Variants in NTRK2 observed in about 807,000 individuals in gnomAD.
NTRK2 encodes the protein neurotrophic receptor tyrosine kinase 2.
In NTRK2, 13 loss-of-function variants were observed where a neutral mutation model predicts 94.5. The ratio of observed to expected loss-of-function variants is 0.14; its 90% CI spans 0.09 to 0.22. The LOEUF is 0.22. Ranked by LOEUF, NTRK2 falls within the 10% of genes least tolerant of loss-of-function variation. The pLI is 1.00. For synonymous variants in NTRK2, 372 were observed against 407.4 expected (o/e 0.91, Z 1.05); for missense variants, 639 against 1,071.2 (o/e 0.60, Z 5.63).
intron 12 of NTRK2, among the ~76,000 whole-genome samples, chr9:84,856,106 T>A (rs1361502593): frequency 6.6e-6 from 1 of 152,184 alleles, no homozygotes; most frequent in African/African-American, 2.4e-5. Context: ...TTTATATTTG[T>A]CACATAGGAG....
intron 13 of NTRK2, among the ~76,000 whole-genome samples, chr9:84,862,316 G>A (rs1050344734): frequency 1.1e-4 from 16 of 152,186 alleles, no homozygotes; most frequent in African/African-American, 3.9e-4. Context: ...TCTGTTTTAC[G>A]GGTTTGATGT....
At chr9:84,740,799 CACT>C (rs1486621599) in intron 9 of NTRK2, among the ~76,000 whole-genome samples, 1 of 152,286 alleles carries the variant, frequency 6.6e-6, no homozygotes, top group Admixed American at 6.5e-5. Context: ...ACACTGGGGC[CACT>C]TTTATTTGGT....
At chr9:84,999,024 G>A (rs1045310201) in intron 17 of NTRK2, among the ~76,000 whole-genome samples, 10 of 152,050 alleles carry the variant, frequency 6.6e-5, no homozygotes, top group African/African-American at 2.2e-4. Flanking sequence ...GAGGTTCTTG[G>A]TGCATCTTCT....
chr9:84,937,622 G>GT (rs895592822), intron 15 of NTRK2, among the ~76,000 whole-genome samples: 50 of 152,036 alleles, frequency 3.3e-4, no homozygotes, highest in African/African-American at 1.1e-3. Context: ...GATGACCTTT[G>GT]TTTTTTTAGT....
intron 12 of NTRK2, among the ~76,000 whole-genome samples, chr9:84,858,627 G>A (rs932504523): frequency 3.3e-5 from 5 of 151,456 alleles, no homozygotes; most frequent in African/African-American, 1.2e-4. Flanking sequence ...TGGAATAGAG[G>A]CTTCTTTTCT....
chr9:84,742,420 C>G (rs1050631360), intron 10 of NTRK2, among the ~76,000 whole-genome samples: 1 of 152,212 alleles, frequency 6.6e-6, no homozygotes, highest in Non-Finnish European at 1.5e-5. Flanking sequence ...ACCCTACTCT[C>G]TTTTTCCCAC....
At chr9:84,720,987 A>G (rs1386605918) in intron 6 of NTRK2, among the ~76,000 whole-genome samples, 1 of 152,252 alleles carries the variant, frequency 6.6e-6, no homozygotes, top group Non-Finnish European at 1.5e-5. Context: ...ACCTCCAAAC[A>G]ATAGTTCTAA....
chr9:85,000,038 G>A (rs1229461096), intron 17 of NTRK2, among the ~76,000 whole-genome samples: 1 of 152,154 alleles, frequency 6.6e-6, no homozygotes, highest in African/African-American at 2.4e-5. Flanking sequence ...AGAGGAACCC[G>A]AGACACAGCC....
At chr9:84,858,146 T>C (rs1179089522) in intron 12 of NTRK2, among the ~76,000 whole-genome samples, 3 of 152,106 alleles carry the variant, frequency 2.0e-5, no homozygotes, top group Admixed American at 2.0e-4. Context: ...TCTCCTTTCT[T>C]TCACCTTCCC....
intron 17 of NTRK2, among the ~76,000 whole-genome samples, chr9:84,967,709 A>G (rs1457216085): frequency 6.6e-6 from 1 of 152,236 alleles, no homozygotes; most frequent in African/African-American, 2.4e-5. Flanking sequence ...GTTGGTGATG[A>G]CAGAGATACT....
intron 12 of NTRK2, among the ~76,000 whole-genome samples, chr9:84,831,371 T>TG (rs2073534167): frequency 2.6e-5 from 4 of 152,138 alleles, no homozygotes; most frequent in Non-Finnish European, 5.9e-5. Flanking sequence ...GCTTTAGTGT[T>TG]TATATGCTGT....
At chr9:84,727,617 C>A (rs1397619713) in intron 8 of NTRK2, 37 bp from the exon 9 acceptor site, 9 of 1,597,662 alleles carry the variant, frequency 5.6e-6, no homozygotes, top group Non-Finnish European at 6.0e-6. Context: ...GAATTCTGAG[C>A]TTTCTGATGC....
intron 14 of NTRK2, among the ~76,000 whole-genome samples, chr9:84,884,091 T>G (rs1323395588): frequency 6.6e-6 from 1 of 152,182 alleles, no homozygotes; most frequent in Non-Finnish European, 1.5e-5. Flanking sequence ...TGGAGAGAAA[T>G]GATTGAATCA....
intron 14 of NTRK2, among the ~76,000 whole-genome samples, chr9:84,879,468 A>G (rs2076190868): frequency 6.6e-6 from 1 of 152,132 alleles, no homozygotes; most frequent in Admixed American, 6.5e-5. Flanking sequence ...TAATATTTGC[A>G]TTCTCTATTT....
At chr9:84,915,878 A>G (rs979500590) in intron 14 of NTRK2, among the ~76,000 whole-genome samples, 1 of 152,174 alleles carries the variant, frequency 6.6e-6, no homozygotes. Context: ...AACTGAAATT[A>G]TGTTTTCCCC....
At chr9:84,885,215 A>G (rs934848343) in intron 14 of NTRK2, among the ~76,000 whole-genome samples, 1 of 152,248 alleles carries the variant, frequency 6.6e-6, no homozygotes, top group South Asian at 2.1e-4. Context: ...GAAGTTATTT[A>G]GCATGGCTTC....
intron 12 of NTRK2, among the ~76,000 whole-genome samples, chr9:84,783,262 T>C (rs143587944): frequency 6.6e-6 from 1 of 152,368 alleles, no homozygotes; most frequent in African/African-American, 2.4e-5. Flanking sequence ...TATCACAATG[T>C]ATTTTTGTAT....
intron 12 of NTRK2, among the ~76,000 whole-genome samples, chr9:84,838,617 CAT>C (rs1453121699): frequency 6.6e-6 from 1 of 152,030 alleles, no homozygotes; most frequent in Non-Finnish European, 1.5e-5. Context: ...AGCACACAGT[CAT>C]AGAATACAAC....
At chr9:84,843,325 G>A (rs140575764) in intron 12 of NTRK2, among the ~76,000 whole-genome samples, 1 of 152,116 alleles carries the variant, frequency 6.6e-6, no homozygotes, top group Admixed American at 6.5e-5. Flanking sequence ...TCTTCTCTCA[G>A]TAGCCTCCCC....
Sources: gnomAD v4.1 joint callset for allele counts (sites outside exome capture counted in the v4.1 genomes callset) on GRCh38, gnomAD v4.1.1 for gene constraint, MANE v1.5 for transcripts, NCBI Gene and HGNC (gene_info 2026-07-23, HGNC 2026-07-21) for gene names.